The following NRSN1 variants were observed in gnomAD, a reference collection of about 807,000 sequenced individuals.
NRSN1 encodes neurensin 1, also known as neurensin-1.
Under a neutral mutation model 17.3 loss-of-function variants are expected in NRSN1, and 14 were observed. That is an observed-to-expected ratio of 0.81 (90% confidence interval 0.54 to 1.27). NRSN1 has a LOEUF of 1.27. NRSN1 is among the 50% of genes most tolerant of loss of function. The pLI is 0.00. For synonymous variants in NRSN1, 79 were observed against 94.2 expected (o/e 0.84, Z 0.93); for missense variants, 209 against 235.9 (o/e 0.89, Z 0.75).
chr6:24,138,408 G>C (rs1760149215), intron 3 of NRSN1, among the ~76,000 whole-genome samples: 1 of 152,082 alleles, frequency 6.6e-6, no homozygotes, highest in Admixed American at 6.5e-5. Flanking sequence ...CCTTGACTAA[G>C]GCTGTTGCCA....
intron 3 of NRSN1, chr6:24,141,315 C>T (rs1760199228): frequency 8.7e-7 from 1 of 1,152,170 alleles, no homozygotes; most frequent in Non-Finnish European, 1.1e-6. Flanking sequence ...AATTTTTATC[C>T]TTTCCAGTAC....
At chr6:24,135,132 G>A (rs1215806099) in intron 3 of NRSN1, among the ~76,000 whole-genome samples, 1 of 152,220 alleles carries the variant, frequency 6.6e-6, no homozygotes, top group African/African-American at 2.4e-5. Flanking sequence ...GAAAGAAAAA[G>A]TGACTTCCCT....
intron 3 of NRSN1, chr6:24,141,356 T>A: frequency 1.3e-6 from 1 of 780,434 alleles, no homozygotes; most frequent in Non-Finnish European, 1.7e-6. Flanking sequence ...AGCTGATGAG[T>A]CCCAACTGCT....
intron 3 of NRSN1, among the ~76,000 whole-genome samples, chr6:24,140,555 G>A (rs1157356137): frequency 6.6e-6 from 1 of 152,164 alleles, no homozygotes; most frequent in African/African-American, 2.4e-5. Flanking sequence ...AGCCCTCAAG[G>A]GCTGATGCAG....
At chr6:24,142,874 T>C (rs928596819) in intron 3 of NRSN1, among the ~76,000 whole-genome samples, 5 of 152,224 alleles carry the variant, frequency 3.3e-5, no homozygotes, top group Non-Finnish European at 5.9e-5. Flanking sequence ...TTGCGGCTAC[T>C]GGCGCGGGTG....
At chr6:24,130,857 T>A (rs1317610081) in intron 2 of NRSN1, among the ~76,000 whole-genome samples, 3 of 152,166 alleles carry the variant, frequency 2.0e-5, no homozygotes, top group Non-Finnish European at 4.4e-5. Flanking sequence ...CCTGAAAAGC[T>A]ACAACTGGAA....
At chr6:24,142,862 G>A (rs1241120375) in intron 3 of NRSN1, among the ~76,000 whole-genome samples, 1 of 152,190 alleles carries the variant, frequency 6.6e-6, no homozygotes, top group African/African-American at 2.4e-5. Flanking sequence ...GACCAGAGCA[G>A]GTTGCGGCTA....
chr6:24,145,982 T>C lies in NRSN1; in HGVS notation c.*36T>C. The C allele has an allele frequency of 6.4e-7, 1 of 1,573,842 alleles. No homozygotes were observed. The highest frequency in any genetic ancestry group is 8.6e-7 in the Non-Finnish European group (1 of 1,160,782). On this transcript the variant is annotated 3_prime_UTR_variant, in exon 4 of 4. Transcript: ENST00000378491. This position sits in a 1 kb window ranked among gnomAD's most constrained non-coding sequence, Gnocchi z 4.4. ...ACCCCAGTTCTTCTTGTCTGATTTA[T>C]GCCCGTGGTTAAAAAGAGCAGGCCA...
rs751168423 is a variant in NRSN1, at chr6:24,142,191, C to CTTTTTTTTTTTTTT, written c.190-3347_190-3334dup. ...AGCACTTATGTCTTATACAGAACAG[C>CTTTTTTTTTTTTTT]TTTTTTTTTTTTTTTTTTTTTTTCA... is the stretch of plus-strand genomic sequence containing the variant. On this transcript the variant is annotated intron_variant, in intron 3 of 3. Transcript: ENST00000378491. 7.6e-4 allele frequency among the ~76,000 whole-genome samples: 34 copies of CTTTTTTTTTTTTTT among 44,458 alleles called. 5 individuals are homozygous for CTTTTTTTTTTTTTT. The highest frequency in any genetic ancestry group is 1.8e-3 in the Admixed American group (4 of 2,244). The allele number at this position is 44,458 out of a possible 152,430, so 29.2% of individuals were successfully genotyped here.
At chr6:24,140,791 C>A in intron 3 of NRSN1, 1 of 1,197,738 alleles carries the variant, frequency 8.3e-7, no homozygotes, top group Non-Finnish European at 1.1e-6. Flanking sequence ...ATTTTCAGGC[C>A]TCATCAGCTC....
chr6:24,144,756 T>C (rs1245509054), intron 3 of NRSN1, among the ~76,000 whole-genome samples: 1 of 152,010 alleles, frequency 6.6e-6, no homozygotes, highest in Admixed American at 6.6e-5. Flanking sequence ...TCTCACTTCA[T>C]CATGGTCACA....
chr6:24,140,086 T>A (rs571672895), intron 3 of NRSN1, among the ~76,000 whole-genome samples: 1 of 152,340 alleles, frequency 6.6e-6, no homozygotes, highest in Admixed American at 6.5e-5. Context: ...AAGTGTTTAA[T>A]ATCAATGAAC....
intron 1 of NRSN1, among the ~76,000 whole-genome samples, chr6:24,127,898 C>G (rs1349940972): frequency 6.6e-6 from 1 of 151,828 alleles, no homozygotes; most frequent in East Asian, 1.9e-4. Flanking sequence ...TTACAAAGCC[C>G]TTTTATGTCA....
chr6:24,145,837 A>G lies in NRSN1; in HGVS notation c.479A>G (p.Asp160Gly). 1 of 1,614,244 alleles carries G rather than the reference A, an allele frequency of 6.2e-7. No homozygotes were observed. The highest frequency in any genetic ancestry group is 8.5e-7 in the Non-Finnish European group (1 of 1,180,046). The change falls in exon 4 of 4, where the codon GAC (aspartate) becomes GGC (glycine). Residue 160 changes from aspartate to glycine, a missense_variant. Transcript: ENST00000378491. The surrounding 1 kb of genome is among the most constrained non-coding windows in gnomAD (Gnocchi z 4.4). The part of the protein sequence containing the change: ...LQQKFKERIA[D>G]IKAHTQPVTK... ...CAGAAGTTTAAAGAACGAATCGCAG[A>G]CATCAAAGCCCACACCCAGCCGGTT...
In NRSN1 at chr6:24,146,561, A is replaced by G. The variant is rs1416732057; in HGVS notation, c.*615A>G. 3.1e-5 allele frequency: 10 copies of G among 318,224 alleles called. No individual in the cohort carries two copies. The highest frequency in any genetic ancestry group is 6.1e-5 in the Non-Finnish European group (10 of 164,516). 19.7% of individuals were successfully genotyped at this position (318,224 alleles called of 1,614,324 possible). On this transcript the variant is annotated 3_prime_UTR_variant, in exon 4 of 4. Transcript: ENST00000378491. The stretch of plus-strand genomic sequence containing the variant: ...AGTGCTGTTCTTTTGCCTAGGTTGG[A>G]GTACAGCGGTGAAATCATAGCGCAC...
At chr6:24,131,045 A>G (rs1232311534) in intron 2 of NRSN1, among the ~76,000 whole-genome samples, 1 of 152,166 alleles carries the variant, frequency 6.6e-6, no homozygotes, top group Non-Finnish European at 1.5e-5. Context: ...GTTCTTGTTC[A>G]TGTTTTGTGC....
At chr6:24,134,595 A>T in intron 3 of NRSN1, 79 bp downstream of exon 3, 8 of 1,185,580 alleles carry the variant, frequency 6.7e-6, no homozygotes, top group Non-Finnish European at 9.8e-6. Flanking sequence ...TGGAGGATGG[A>T]GAGGTTTAGT....
intron 3 of NRSN1, among the ~76,000 whole-genome samples, chr6:24,140,264 A>C (rs1274740122): frequency 6.6e-6 from 1 of 152,158 alleles, no homozygotes; most frequent in Non-Finnish European, 1.5e-5. Context: ...AGGGACGCAG[A>C]GCTGGAGAAT....
intron 3 of NRSN1, chr6:24,141,045 G>A (rs1013289666): frequency 1.5e-5 from 22 of 1,472,168 alleles, no homozygotes; most frequent in Admixed American, 1.4e-4. Context: ...CTTCTCTGTC[G>A]CCATTGGGAT....
Sources: gnomAD v4.1 joint callset for allele counts (sites outside exome capture counted in the v4.1 genomes callset) on GRCh38, gnomAD v4.1.1 for gene constraint, Gnocchi (gnomAD v3.1) non-coding constraint, MANE v1.5 for transcripts, NCBI Gene and HGNC (gene_info 2026-07-23, HGNC 2026-07-21) for gene names.